Variants in PDZRN4 observed in about 807,000 individuals in gnomAD.
PDZRN4 encodes PDZ domain-containing RING finger protein 4.
PDZRN4 carries 70 observed loss-of-function variants against 99.0 expected under a neutral mutation model. That is an observed-to-expected ratio of 0.71 (90% CI 0.58 to 0.86). The LOEUF is 0.86. PDZRN4 is among the 40% of genes least tolerant of loss of function. The pLI is 0.00. For missense variants in PDZRN4, 1,474 were observed against 1,331.2 expected (o/e 1.11, Z -1.67); for synonymous variants, 551 against 501.6 (o/e 1.10, Z -1.32).
intron 2 of PDZRN4, among the ~76,000 whole-genome samples, chr12:41,193,710 G>T (rs938124016): frequency 6.6e-6 from 1 of 152,126 alleles, no homozygotes; most frequent in Admixed American, 6.5e-5. Context: ...CCAGATATAT[G>T]TTTTTTTCCT....
chr12:41,558,854 G>A (rs1939215090), intron 7 of PDZRN4, among the ~76,000 whole-genome samples: 1 of 152,146 alleles, frequency 6.6e-6, no homozygotes, highest in African/African-American at 2.4e-5. Flanking sequence ...GTAAAACTCT[G>A]ACAAAATTGT....
At chr12:41,463,472 C>A (rs572931052) in intron 3 of PDZRN4, among the ~76,000 whole-genome samples, 6 of 151,952 alleles carry the variant, frequency 3.9e-5, no homozygotes, top group Admixed American at 1.3e-4. Flanking sequence ...AGAGAAGGAA[C>A]CCTAAGACTC....
chr12:41,243,137 A>G (rs1951111190), intron 3 of PDZRN4, among the ~76,000 whole-genome samples: 1 of 152,174 alleles, frequency 6.6e-6, no homozygotes, highest in Non-Finnish European at 1.5e-5. Flanking sequence ...ATGAAATGGA[A>G]GTTTTCCTTG....
intron 3 of PDZRN4, among the ~76,000 whole-genome samples, chr12:41,405,964 G>A (rs1952345479): frequency 6.6e-6 from 1 of 151,932 alleles, no homozygotes. Context: ...GTGGGGGGCA[G>A]GGGAAACATG....
intron 3 of PDZRN4, among the ~76,000 whole-genome samples, chr12:41,347,939 G>A (rs561634573): frequency 2.6e-5 from 4 of 152,120 alleles, no homozygotes; most frequent in South Asian, 2.1e-4. Flanking sequence ...AACATGATGC[G>A]AAATTTGCCC....
intron 3 of PDZRN4, among the ~76,000 whole-genome samples, chr12:41,301,072 T>C (rs1267536343): frequency 6.6e-6 from 1 of 152,060 alleles, no homozygotes; most frequent in African/African-American, 2.4e-5. Flanking sequence ...ATTTTTGATA[T>C]CATCTCTGTC....
intron 6 of PDZRN4, among the ~76,000 whole-genome samples, chr12:41,553,824 A>T (rs918474085): frequency 2.0e-5 from 3 of 152,018 alleles, no homozygotes; most frequent in Non-Finnish European, 2.9e-5. Flanking sequence ...ACTAGATACT[A>T]ATTGCTGCTC....
chr12:41,220,081 T>C (rs1182378194), intron 3 of PDZRN4, among the ~76,000 whole-genome samples: 3 of 152,122 alleles, frequency 2.0e-5, no homozygotes, highest in African/African-American at 7.2e-5. Context: ...TGAAGATTTT[T>C]ATGTTGGTGG....
At chr12:41,552,503 A>G (rs767008046) in intron 5 of PDZRN4, among the ~76,000 whole-genome samples, 153 bp from the exon 6 acceptor site, 6 of 130,714 alleles carry the variant, frequency 4.6e-5, no homozygotes, top group Non-Finnish European at 6.8e-5. Context: ...GAACATTTGA[A>G]TAATATTGGT....
chr12:41,545,376 CTCCTTGGTAAACACCA>C (rs2120779396), intron 5 of PDZRN4, among the ~76,000 whole-genome samples: 1 of 152,250 alleles, frequency 6.6e-6, no homozygotes, highest in South Asian at 2.1e-4. Flanking sequence ...GAAATTTGGT[CTCCTTGGTAAACACCA>C]AGACTAATTT....
At chr12:41,492,595 G>A (rs1009749449) in intron 3 of PDZRN4, among the ~76,000 whole-genome samples, 21 of 152,068 alleles carry the variant, frequency 1.4e-4, no homozygotes, top group African/African-American at 4.6e-4. Context: ...AGGAAGTGAA[G>A]GGAAGGAACT....
At chr12:41,394,318 G>T (rs558798635) in intron 3 of PDZRN4, among the ~76,000 whole-genome samples, 5 of 152,146 alleles carry the variant, frequency 3.3e-5, no homozygotes, top group Admixed American at 3.3e-4. Flanking sequence ...ACTTATATTC[G>T]GTCTATTGCA....
chr12:41,555,230 CA>C (rs1171846086), intron 6 of PDZRN4, among the ~76,000 whole-genome samples: 19 of 21,194 alleles, frequency 9.0e-4, no homozygotes, highest in Admixed American at 2.1e-3. Context: ...GACTCTGTCT[CA>C]AAAAAAAAAA....
chr12:41,509,667 C>T (rs908072021), intron 4 of PDZRN4, 144 bp from the exon 5 acceptor site: 2 of 470,408 alleles, frequency 4.3e-6, no homozygotes, highest in East Asian at 3.4e-5. Context: ...TATTGCTTTT[C>T]CTCAGCTGTA....
At position 41,418,505 on chromosome 12, in the gene PDZRN4, C is replaced by A. The variant is rs1465754948; in HGVS notation, c.844-87951C>A. Among the ~76,000 whole-genome samples, 3 of 152,048 alleles carry A rather than the reference C, an allele frequency of 2.0e-5. No individual in the cohort carries two copies. The East Asian group carries it at 5.8e-4, about 29-fold the overall frequency. ...TTTATTCCTAGTTTAAAAAGAAAAT[C>A]TGAACTTAAAAAAAATGTGTGATCA... On this transcript the variant is annotated intron_variant, in intron 3 of 9. Transcript: ENST00000402685.
At chr12:41,447,496 T>C (rs1215871092) in intron 3 of PDZRN4, among the ~76,000 whole-genome samples, 1 of 152,168 alleles carries the variant, frequency 6.6e-6, no homozygotes, top group Admixed American at 6.6e-5. Context: ...CTTAACTTCA[T>C]TGAGCCTCTG....
intron 3 of PDZRN4, among the ~76,000 whole-genome samples, chr12:41,324,304 GTGTT>G (rs1423888819): frequency 2.6e-5 from 4 of 151,986 alleles, no homozygotes; most frequent in Non-Finnish European, 5.9e-5. Context: ...GGTAAAACAA[GTGTT>G]TGAAGATTAG....
intron 3 of PDZRN4, among the ~76,000 whole-genome samples, chr12:41,459,710 G>T (rs902446509): frequency 7.9e-5 from 12 of 152,116 alleles, no homozygotes; most frequent in Admixed American, 1.3e-4. Context: ...AATTGTGAAT[G>T]CTTATTAGAC....
chr12:41,191,501 A>C lies in PDZRN4; in HGVS notation c.692A>C (p.Asn231Thr), dbSNP rs1022302877. 15 of 1,579,782 alleles carry C rather than the reference A, an allele frequency of 9.5e-6. No individual in the cohort carries two copies. Among genetic ancestry groups the C allele is most frequent in the Non-Finnish European group, 1.3e-5 (15 of 1,162,560 alleles). ...TTCACTATTGTGTTAGAAAGAGAAAATGACACTTTGGGATTCAATATTATA... is the reference window on the plus strand; with the variant it reads ...TTCACTATTGTGTTAGAAAGAGAAACTGACACTTTGGGATTCAATATTATA... ...KPFTIVLERE[N>T]DTLGFNIIGG... The change falls in exon 2 of 10, where the codon AAT (asparagine) becomes ACT (threonine). Residue 231 changes from asparagine (N) to threonine (T), a missense_variant. Asn to Thr is a moderately conservative substitution (Grantham distance 65, BLOSUM62 0). Transcript: ENST00000402685.
Sources: allele counts gnomAD v4.1 joint callset (sites outside exome capture counted in the v4.1 genomes callset), GRCh38; gene constraint gnomAD v4.1.1; transcripts MANE v1.5; gene names NCBI Gene and HGNC (gene_info 2026-07-23, HGNC 2026-07-21).